EPHA6: variants seen among roughly 807,000 people sequenced by gnomAD.
EPHA6 encodes ephrin type-A receptor 6.
Under a neutral mutation model 112.0 loss-of-function variants are expected in EPHA6, and 50 were observed. The observed-to-expected ratio is 0.45, with a 90% CI of 0.36 to 0.56. The LOEUF is 0.56. EPHA6 is among the 20% of genes least tolerant of loss of function. The pLI is 0.00. For missense variants in EPHA6, 1,280 were observed against 1,417.4 expected (o/e 0.90, Z 1.56); for synonymous variants, 529 against 490.7 (o/e 1.08, Z -1.03).
intron 2 of EPHA6, among the ~76,000 whole-genome samples, chr3:96,936,176 G>C (rs2040571690): frequency 6.6e-6 from 1 of 152,002 alleles, no homozygotes; most frequent in Non-Finnish European, 1.5e-5. Flanking sequence ...TTTTTTAAAT[G>C]GAAAGATATT....
chr3:97,486,574 G>A (rs1261656548), intron 10 of EPHA6, among the ~76,000 whole-genome samples: 1 of 152,188 alleles, frequency 6.6e-6, no homozygotes, highest in Non-Finnish European at 1.5e-5. Context: ...CATCACATGG[G>A]TGAGGGAGAG....
chr3:96,984,569 C>G (rs1344500430), intron 2 of EPHA6, among the ~76,000 whole-genome samples: 1 of 152,154 alleles, frequency 6.6e-6, no homozygotes, highest in Non-Finnish European at 1.5e-5. Flanking sequence ...AACCACTGCT[C>G]TCTTCAAAGC....
At chr3:97,543,354 C>A (rs1229353020) in intron 11 of EPHA6, among the ~76,000 whole-genome samples, 1 of 152,142 alleles carries the variant, frequency 6.6e-6, no homozygotes, top group Admixed American at 6.5e-5. Flanking sequence ...AATAGGGAAT[C>A]CTTTCCCCAT....
At chr3:96,905,366 T>A (rs2038876732) in intron 2 of EPHA6, among the ~76,000 whole-genome samples, 1 of 152,042 alleles carries the variant, frequency 6.6e-6, no homozygotes, top group African/African-American at 2.4e-5. Context: ...TTTCTTATAA[T>A]TTTAATATTC....
rs2035735415 is a variant in EPHA6, at chr3:97,746,854, T to TA, written c.3129-564dup. Among the ~76,000 whole-genome samples the TA allele has an allele frequency of 2.0e-5, 3 of 151,960 alleles. No individual in the cohort carries two copies. The South Asian group carries it at 6.2e-4, about 31-fold the overall frequency. ...TTCATGCAACTGAACTCTGTGACAA[T>TA]AAAAATTACATTTTAAGAAATGATA... On this transcript the variant is annotated intron_variant, in intron 16 of 17. Coordinates refer to ENST00000389672, the MANE Select transcript of EPHA6 (RefSeq NM_001080448.3).
At chr3:97,316,511 T>C (rs1424337566) in intron 5 of EPHA6, among the ~76,000 whole-genome samples, 1 of 151,906 alleles carries the variant, frequency 6.6e-6, no homozygotes, top group African/African-American at 2.4e-5. Flanking sequence ...TGTTATTTAT[T>C]CTGATGATCC....
chr3:97,324,503 A>ATC (rs2082318178), intron 5 of EPHA6, among the ~76,000 whole-genome samples: 1 of 43,842 alleles, frequency 2.3e-5, no homozygotes, highest in Non-Finnish European at 4.5e-5. Flanking sequence ...TCTTTCTTTC[A>ATC]TCTCTTTCTC....
intron 3 of EPHA6, among the ~76,000 whole-genome samples, chr3:97,013,533 A>G (rs1177536813): frequency 6.6e-6 from 1 of 152,158 alleles, no homozygotes; most frequent in African/African-American, 2.4e-5. Context: ...GCCATTAATT[A>G]TCACAGTCTG....
chr3:97,382,465 G>GTTTATT (rs1451964785), intron 5 of EPHA6, among the ~76,000 whole-genome samples: 1 of 152,010 alleles, frequency 6.6e-6, no homozygotes, highest in Admixed American at 6.6e-5. Context: ...GAAGTAAGTG[G>GTTTATT]TTTATTTTTT....
chr3:97,045,008 A>G (rs911259326), intron 3 of EPHA6, among the ~76,000 whole-genome samples: 7 of 152,104 alleles, frequency 4.6e-5, no homozygotes, highest in African/African-American at 1.7e-4. Flanking sequence ...GTGAAGTATT[A>G]TATCAATTTG....
intron 6 of EPHA6, among the ~76,000 whole-genome samples, chr3:97,432,955 C>A (rs1262948367): frequency 1.3e-5 from 2 of 152,048 alleles, no homozygotes; most frequent in Non-Finnish European, 1.5e-5. Context: ...GACCACAGAG[C>A]CAAACCACAT....
chr3:97,103,330 G>T (rs2047463667), intron 3 of EPHA6, among the ~76,000 whole-genome samples: 1 of 152,100 alleles, frequency 6.6e-6, no homozygotes, highest in Non-Finnish European at 1.5e-5. Context: ...ATAGTGTAGG[G>T]AGGGGATCCA....
At chr3:97,210,119 T>C (rs914365913) in intron 3 of EPHA6, among the ~76,000 whole-genome samples, 10 of 152,186 alleles carry the variant, frequency 6.6e-5, no homozygotes, top group African/African-American at 2.2e-4. Flanking sequence ...TGTTTTGTTA[T>C]AGTATTTATA....
chr3:96,947,410 T>G (rs1308555004), intron 2 of EPHA6, among the ~76,000 whole-genome samples: 1 of 152,172 alleles, frequency 6.6e-6, no homozygotes, highest in East Asian at 1.9e-4. Context: ...GCTAGCCAGT[T>G]TTCCCAGCAC....
chr3:97,547,217 T>A (rs962075301), intron 11 of EPHA6, among the ~76,000 whole-genome samples: 3 of 152,222 alleles, frequency 2.0e-5, no homozygotes, highest in Non-Finnish European at 2.9e-5. Context: ...TGGTCTTTGA[T>A]GATGGTGATG....
intron 2 of EPHA6, among the ~76,000 whole-genome samples, chr3:96,958,575 T>C (rs1385559312): frequency 6.6e-6 from 1 of 152,214 alleles, no homozygotes; most frequent in Non-Finnish European, 1.5e-5. Context: ...ATGGTGTTCT[T>C]ATTGTTAGAG....
chr3:97,120,252 A>T (rs933830264), intron 3 of EPHA6, among the ~76,000 whole-genome samples: 10 of 151,918 alleles, frequency 6.6e-5, no homozygotes, highest in African/African-American at 2.4e-4. Flanking sequence ...CCTATTTCAA[A>T]TTTATCATCT....
At chr3:97,311,470 ACACACG>A (rs1198733999) in intron 5 of EPHA6, among the ~76,000 whole-genome samples, 2 of 150,016 alleles carry the variant, frequency 1.3e-5, no homozygotes, top group African/African-American at 5.0e-5. Context: ...ACACACACAC[ACACACG>A]TTTGCTCTGG....
At chr3:97,381,825 T>C (rs191316852) in intron 5 of EPHA6, among the ~76,000 whole-genome samples, 12 of 152,120 alleles carry the variant, frequency 7.9e-5, no homozygotes, top group African/African-American at 2.7e-4. Flanking sequence ...TGATTATTTT[T>C]TGGTTGAGCA....
Sources: gnomAD v4.1 joint callset for allele counts (sites outside exome capture counted in the v4.1 genomes callset) on GRCh38, gnomAD v4.1.1 for gene constraint, MANE v1.5 for transcripts, NCBI Gene and HGNC (gene_info 2026-07-23, HGNC 2026-07-21) for gene names.